SLC17A1: variants seen among roughly 807,000 people sequenced by gnomAD.
SLC17A1 encodes sodium-dependent phosphate transport protein 1.
Under a neutral mutation model 53.5 loss-of-function variants are expected in SLC17A1, and 51 were observed. The ratio of observed to expected loss-of-function variants is 0.95; its 90% CI spans 0.76 to 1.20. The LOEUF (loss-of-function observed/expected upper bound fraction) is 1.20, where lower values mean the gene tolerates loss of function less well. Among genes scored for constraint, SLC17A1 ranks in the 50% most tolerant of loss-of-function variants. SLC17A1 has a pLI of 0.00. For missense variants in SLC17A1, 538 were observed against 568.2 expected (o/e 0.95, Z 0.54); for synonymous variants, 179 against 198.8 (o/e 0.90, Z 0.84).
At chr6:25,726,240 C>T in the SLC17A1 span, 2 of 1,613,872 alleles carry the variant, frequency 1.2e-6, no homozygotes, top group African/African-American at 1.3e-5. Flanking sequence ...CGCCCAAAAG[C>T]TTATTGAGTT....
chr6:25,777,041 A>T, the SLC17A1 span: 2 of 1,453,550 alleles, frequency 1.4e-6, no homozygotes, highest in Non-Finnish European at 1.9e-6. Flanking sequence ...TGAAAGTAAA[A>T]TGTGGCAGGT....
the SLC17A1 span, among the ~76,000 whole-genome samples, chr6:25,775,156 C>T: frequency 6.6e-6 from 1 of 151,900 alleles, no homozygotes; most frequent in Non-Finnish European, 1.5e-5. Flanking sequence ...ATGGTGAACC[C>T]CCTGTCTCTA....
At chr6:25,770,218 T>G in the SLC17A1 span, 12 of 1,613,990 alleles carry the variant, frequency 7.4e-6, no homozygotes. Context: ...ATTTCCTCAT[T>G]CCTGACCCTC....
intron 2 of SLC17A1, among the ~76,000 whole-genome samples, chr6:25,829,356 T>C (rs1367443306): frequency 6.6e-6 from 1 of 152,084 alleles, no homozygotes; most frequent in East Asian, 1.9e-4. Context: ...CATATGAACT[T>C]AAGAGCTGAA....
the SLC17A1 span, chr6:25,776,600 G>A: frequency 1.2e-6 from 2 of 1,603,308 alleles, no homozygotes; most frequent in Middle Eastern, 1.7e-4. Flanking sequence ...CTCAGAGTGG[G>A]ATCCTGTCTG....
At chr6:25,819,042 C>A in intron 6 of SLC17A1, 26 bp downstream of exon 6, 2 of 1,476,750 alleles carry the variant, frequency 1.4e-6, no homozygotes, top group Non-Finnish European at 1.8e-6. Context: ...TGAATAATAA[C>A]TAGGATTTTA....
At chr6:25,726,587 A>G in the SLC17A1 span, 1 of 1,541,608 alleles carries the variant, frequency 6.5e-7, no homozygotes, top group Non-Finnish European at 8.8e-7. Flanking sequence ...TACTGGGCCT[A>G]TTTATAGTCT....
chr6:25,797,313 C>T (rs1281008379), intron 12 of SLC17A1, among the ~76,000 whole-genome samples: 2 of 152,108 alleles, frequency 1.3e-5, no homozygotes, highest in African/African-American at 4.8e-5. Flanking sequence ...CACAGAGACA[C>T]AGAAAATTGC....
chr6:25,782,484 G>A (rs1035067348), downstream of SLC17A1, among the ~76,000 whole-genome samples: 6 of 152,192 alleles, frequency 3.9e-5, no homozygotes, highest in Non-Finnish European at 7.3e-5. Context: ...TGAATGAACA[G>A]CTCCAGAGTG....
the SLC17A1 span, chr6:25,777,216 C>T: frequency 2.3e-6 from 1 of 438,328 alleles, no homozygotes; most frequent in East Asian, 3.8e-5. Flanking sequence ...CTCACACAAA[C>T]CTCTCTCTGT....
At chr6:25,777,871 G>A in the SLC17A1 span, 1 of 1,459,182 alleles carries the variant, frequency 6.9e-7, no homozygotes, top group Non-Finnish European at 9.6e-7. Flanking sequence ...CGGGTATTGA[G>A]ACTTTCAAAC....
chr6:25,798,890 G>A lies in SLC17A1; in HGVS notation c.1299C>T (p.Phe433=). Residue 433 remains phenylalanine, a synonymous_variant, in exon 12 of 13, where the codon TTC becomes TTT. Coordinates refer to ENST00000244527, the MANE Select transcript of SLC17A1 (RefSeq NM_005074.5). ...QDPESAWFKT[F]ILMAAINVTG... is the part of the protein sequence containing the mutation. Reference sequence around the variant, plus strand: ...TCACATTAATGGCTGCCATCAGGATGAAGGTTTTAAACCAGGCGGATTCCG... The same window carrying A: ...TCACATTAATGGCTGCCATCAGGATAAAGGTTTTAAACCAGGCGGATTCCG... The A allele has an allele frequency of 1.2e-6, 2 of 1,602,588 alleles. No individual in the cohort carries two copies. The highest frequency in any genetic ancestry group is 8.5e-7 in the Non-Finnish European group (1 of 1,172,096).
the SLC17A1 span, among the ~76,000 whole-genome samples, chr6:25,754,159 A>G: frequency 1.3e-5 from 2 of 152,150 alleles, no homozygotes; most frequent in Non-Finnish European, 2.9e-5. Flanking sequence ...TGATGGATTC[A>G]TGAGAAAACT....
chr6:25,770,266 T>C, the SLC17A1 span: 1 of 1,614,126 alleles, frequency 6.2e-7, no homozygotes, highest in Non-Finnish European at 8.5e-7. Context: ...GTGGCCTTGC[T>C]CATTGTCCTC....
rs115898726 is a variant in SLC17A1 at position 25,811,844 on chromosome 6, C to G, written c.898-74G>C. The stretch of plus-strand genomic sequence containing the variant: ...ACTGACACACAGAGTAATCCCTATG[C>G]TAAAATTTATTATCTAAAATGTGTA... On this transcript the variant is annotated intron_variant, in intron 8 of 12. Transcript: ENST00000244527. The G allele has an allele frequency of 8.5e-4, 1,265 of 1,491,014 alleles. 7 individuals carry two copies. In the African/African-American group the frequency reaches 0.016, roughly 19 times the overall value. 92.4% of individuals were successfully genotyped at this position (1,491,014 alleles called of 1,614,324 possible). A position where few individuals can be genotyped will look rare whatever the true frequency, so the allele number is the denominator to read the frequency against.
At chr6:25,808,175 G>A (rs138938046) in intron 10 of SLC17A1, among the ~76,000 whole-genome samples, 1 of 152,026 alleles carries the variant, frequency 6.6e-6, no homozygotes, top group East Asian at 1.9e-4. Flanking sequence ...GGAGTAAGGT[G>A]GTATCACATT....
chr6:25,731,130 T>C, the SLC17A1 span, among the ~76,000 whole-genome samples: 41,479 of 152,150 alleles, frequency 0.27, 6,860 homozygotes, highest in East Asian at 0.7. Flanking sequence ...ACTGTGATAT[T>C]GAGTAAGCAG....
chr6:25,806,872 T>C (rs1009264946), intron 10 of SLC17A1, among the ~76,000 whole-genome samples: 4 of 151,876 alleles, frequency 2.6e-5, no homozygotes, highest in African/African-American at 9.7e-5. Flanking sequence ...TTGGCATGAA[T>C]AGACATTTAT....
chr6:25,830,719 C>A, intron 1 of SLC17A1, 112 bp from the exon 2 acceptor site: 2 of 591,536 alleles, frequency 3.4e-6, no homozygotes, highest in Admixed American at 2.4e-5. Context: ...CTTGCTCCAT[C>A]ACAGCAGTGC....
Sources: allele counts gnomAD v4.1 joint callset (sites outside exome capture counted in the v4.1 genomes callset), GRCh38; gene constraint gnomAD v4.1.1; transcripts MANE v1.5; gene names NCBI Gene and HGNC (gene_info 2026-07-23, HGNC 2026-07-21).